The following GNAQ variants were observed in gnomAD, a reference collection of about 807,000 sequenced individuals.
GNAQ encodes the protein G protein subunit alpha q, also known as guanine nucleotide-binding protein G(q) subunit alpha.
A neutral mutation model predicts 43.9 loss-of-function variants in GNAQ; 8 were observed. That is an observed-to-expected ratio of 0.18 (90% CI 0.11 to 0.33). The LOEUF is 0.33. Among genes scored for constraint, GNAQ ranks in the 10% least tolerant of loss-of-function variants. The probability of loss-of-function intolerance (pLI) is 1.00; values close to 1 mark genes in which losing one functional copy is unlikely to be tolerated. For missense variants in GNAQ, 158 were observed against 450.8 expected (o/e 0.35, Z 5.88); for synonymous variants, 155 against 170.7 (o/e 0.91, Z 0.71).
At chr9:77,855,080 T>TAG (rs749165175) in intron 2 of GNAQ, among the ~76,000 whole-genome samples, 3 of 152,170 alleles carry the variant, frequency 2.0e-5, no homozygotes, top group Non-Finnish European at 4.4e-5. Context: ...TAGTGTGCCC[T>TAG]AGTGTGCCCT....
At chr9:77,825,599 G>A (rs145379011) in intron 2 of GNAQ, among the ~76,000 whole-genome samples, 402 of 152,332 alleles carry the variant, frequency 2.6e-3, no homozygotes, top group African/African-American at 7.4e-3. Flanking sequence ...CTTTGAAAGA[G>A]AGATGCAGTT....
At position 78,031,772 on chromosome 9, in the gene GNAQ, C is replaced by T. The variant is rs1185139761; in HGVS notation, c.-537G>A. Among the ~76,000 whole-genome samples the T allele has an allele frequency of 2.0e-5, 3 of 147,984 alleles. No homozygotes were observed. The highest frequency in any genetic ancestry group is 4.5e-5 in the Non-Finnish European group (3 of 66,496). ...CTCGGCCCTGTCCGCGCCCACCGCC[C>T]GGCTCGCGCGCAGACCCGGTTCCCG... On this transcript the variant is annotated 5_prime_UTR_variant, in exon 1 of 7. Coordinates refer to ENST00000286548, the MANE Select transcript of GNAQ (RefSeq NM_002072.5).
At chr9:77,935,111 T>C (rs1829211737) in intron 1 of GNAQ, among the ~76,000 whole-genome samples, 1 of 152,008 alleles carries the variant, frequency 6.6e-6, no homozygotes, top group African/African-American at 2.4e-5. Context: ...GACGACAGAG[T>C]GAGATGCTGT....
chr9:77,854,569 T>G (rs765231973), intron 2 of GNAQ, among the ~76,000 whole-genome samples: 1 of 152,176 alleles, frequency 6.6e-6, no homozygotes, highest in Non-Finnish European at 1.5e-5. Context: ...CAGAAACAAA[T>G]CAGCAAGATG....
chr9:77,795,274 C>A lies in GNAQ; in HGVS notation c.606-682G>T, dbSNP rs111292490. ...AGGCCATCATGTGAACCATTTCAAT[C>A]ATTTGTTTTTAACACATCAATTCTG... On this transcript the variant is annotated intron_variant, in intron 4 of 6. Transcript: ENST00000286548. Among the ~76,000 whole-genome samples the A allele has an allele frequency of 5.6e-3, 859 of 152,238 alleles. 1 individual carries two copies. The highest frequency in any genetic ancestry group is 0.02 in the African/African-American group (811 of 41,540).
intron 2 of GNAQ, among the ~76,000 whole-genome samples, chr9:77,816,624 C>G (rs1458587243): frequency 6.6e-6 from 1 of 151,440 alleles, no homozygotes; most frequent in African/African-American, 2.4e-5. Context: ...TATATATATA[C>G]ACACACAAAG....
At chr9:77,799,892 T>C (rs1826715653) in intron 3 of GNAQ, among the ~76,000 whole-genome samples, 1 of 152,182 alleles carries the variant, frequency 6.6e-6, no homozygotes, top group South Asian at 2.1e-4. Flanking sequence ...ATTATAAAAC[T>C]GGCTGGAAGA....
intron 2 of GNAQ, among the ~76,000 whole-genome samples, chr9:77,894,932 G>C (rs568479684): frequency 8.4e-4 from 128 of 151,852 alleles, no homozygotes; most frequent in African/African-American, 3.0e-3. Context: ...ACTCACGCCT[G>C]TAATCCCAGC....
At chr9:77,868,841 G>A (rs1305741978) in intron 2 of GNAQ, among the ~76,000 whole-genome samples, 1 of 151,998 alleles carries the variant, frequency 6.6e-6, no homozygotes, top group Non-Finnish European at 1.5e-5. Context: ...ACAAAAATCA[G>A]CCAGGCGTGG....
intron 1 of GNAQ, among the ~76,000 whole-genome samples, chr9:78,023,307 C>T (rs1179053092): frequency 6.6e-6 from 1 of 152,124 alleles, no homozygotes; most frequent in Non-Finnish European, 1.5e-5. Context: ...CCCAACTTCC[C>T]CTCTCACCAG....
At position 77,944,860 on chromosome 9, in the gene GNAQ, C is replaced by T. The variant is rs141022014; in HGVS notation, c.137-22515G>A. On this transcript the variant is annotated intron_variant, in intron 1 of 6. Coordinates refer to ENST00000286548, the MANE Select transcript of GNAQ (RefSeq NM_002072.5). ...AGGTATTCAGAGTCTAAATACTTTA[C>T]GAAACAGCTAGTTCTGGAAGGATAT... is the stretch of plus-strand genomic sequence containing the variant. Among the ~76,000 whole-genome samples, 934 of 152,220 alleles carry T rather than the reference C, an allele frequency of 6.1e-3. 9 individuals are homozygous for T. Among genetic ancestry groups the T allele is most frequent in the Non-Finnish European group, 8.3e-3 (562 of 68,024 alleles).
chr9:77,822,343 T>G (rs1004630631), intron 2 of GNAQ, among the ~76,000 whole-genome samples: 1 of 152,188 alleles, frequency 6.6e-6, no homozygotes, highest in Non-Finnish European at 1.5e-5. Flanking sequence ...CACCCTGGCA[T>G]AATAGGTAAA....
chr9:77,855,227 G>A (rs1420914296), intron 2 of GNAQ, among the ~76,000 whole-genome samples: 2 of 152,112 alleles, frequency 1.3e-5, no homozygotes, highest in Non-Finnish European at 2.9e-5. Flanking sequence ...TTGGTGTAAT[G>A]CAGCAGAATC....
At chr9:77,860,764 G>A (rs1168567564) in intron 2 of GNAQ, among the ~76,000 whole-genome samples, 1 of 152,140 alleles carries the variant, frequency 6.6e-6, no homozygotes, top group Non-Finnish European at 1.5e-5. Context: ...GGAAGGCAGA[G>A]CATTTATTTC....
intron 5 of GNAQ, among the ~76,000 whole-genome samples, chr9:77,777,822 G>T (rs2118392555): frequency 6.6e-6 from 1 of 152,106 alleles, no homozygotes; most frequent in South Asian, 2.1e-4. Flanking sequence ...AATAACAAGT[G>T]TTGGCTAGCA....
intron 5 of GNAQ, among the ~76,000 whole-genome samples, chr9:77,748,425 C>T (rs948239456): frequency 6.6e-6 from 1 of 152,180 alleles, no homozygotes; most frequent in African/African-American, 2.4e-5. Flanking sequence ...TCACTCCTCC[C>T]CTGATGCTCC....
At chr9:77,950,572 A>G (rs754923940) in intron 1 of GNAQ, among the ~76,000 whole-genome samples, 1 of 152,246 alleles carries the variant, frequency 6.6e-6, no homozygotes, top group Non-Finnish European at 1.5e-5. Flanking sequence ...ATAAACAAGC[A>G]AATGTTTACA....
At chr9:77,835,125 G>C (rs1452332573) in intron 2 of GNAQ, among the ~76,000 whole-genome samples, 2 of 152,118 alleles carry the variant, frequency 1.3e-5, no homozygotes, top group Non-Finnish European at 2.9e-5. Context: ...ACCCTGGGCA[G>C]GGTGAGGTGG....
intron 1 of GNAQ, among the ~76,000 whole-genome samples, chr9:77,987,505 C>T (rs1301642346): frequency 6.6e-6 from 1 of 152,134 alleles, no homozygotes; most frequent in Non-Finnish European, 1.5e-5. Context: ...AATGGTTTTG[C>T]AATTAAGTAA....
Sources: allele counts gnomAD v4.1 joint callset (sites outside exome capture counted in the v4.1 genomes callset), GRCh38; gene constraint gnomAD v4.1.1; transcripts MANE v1.5; gene names NCBI Gene and HGNC (gene_info 2026-07-23, HGNC 2026-07-21).